Variants in PLEKHG2 observed in about 807,000 individuals in gnomAD.
PLEKHG2 encodes pleckstrin homology and RhoGEF domain containing G2.
In PLEKHG2, 71 loss-of-function variants were observed where a neutral mutation model predicts 104.4. The observed-to-expected ratio is 0.68, with a 90% CI of 0.56 to 0.83. The LOEUF is 0.83. PLEKHG2 is among the 40% of genes least tolerant of loss of function. The pLI, the probability that PLEKHG2 is intolerant of heterozygous loss-of-function variation, is 0.00. For missense variants in PLEKHG2, 1,730 were observed against 1,809.4 expected (o/e 0.96, Z 0.80); for synonymous variants, 728 against 737.0 (o/e 0.99, Z 0.20).
Position 39,424,740 on chromosome 19 carries a change from C to T in PLEKHG2, c.3607C>T (p.Leu1203Phe). The T allele has an allele frequency of 1.9e-6, 3 of 1,614,180 alleles. No individual in the cohort carries two copies. The highest frequency in any genetic ancestry group is 2.5e-6 in the Non-Finnish European group (3 of 1,180,050). ...CACACCTTCGTTGGAGCAGAAGAGC[C>T]TCATAGATGCCCATGTTCCAGCTGC... Reference protein sequence around the residue: ...KLTPSLEQKSLIDAHVPAATP... With the variant: ...KLTPSLEQKSFIDAHVPAATP... Residue 1203 changes from leucine (L) to phenylalanine (F), a missense_variant, in exon 19 of 19, where the codon CTC becomes TTC. Coordinates refer to ENST00000425673, the MANE Select transcript of PLEKHG2 (RefSeq NM_022835.3).
At position 39,415,508 on chromosome 19, in the gene PLEKHG2, G is replaced by A. The variant is rs2078589370; in HGVS notation, c.479+69G>A. On this transcript the variant is annotated intron_variant, in intron 4 of 18. Coordinates refer to ENST00000425673, the MANE Select transcript of PLEKHG2 (RefSeq NM_022835.3). The surrounding 1 kb of genome is among the most constrained non-coding windows in gnomAD (Gnocchi z 4.6). ...GGGTCTATTTCCTAATCCAAACCTC[G>A]GAGCTTCGTAGTGTCCTGTCCAGGC... 7 of 1,537,022 alleles carry A rather than the reference G, an allele frequency of 4.6e-6. No homozygotes were observed. Among genetic ancestry groups the A allele is most frequent in the East Asian group, 2.3e-5 (1 of 43,932 alleles).
chr19:39,416,629 G>T lies in PLEKHG2; in HGVS notation c.593+32G>T, dbSNP rs752416975. ...GGCAGGAGCCCCTGCTGGGCCTCAG[G>T]CTGTGCCCACAAGCTGATGTGCCAG... is the stretch of plus-strand genomic sequence containing the variant. On this transcript the variant is annotated intron_variant, in intron 6 of 18. Transcript: ENST00000425673. The surrounding 1 kb of genome is among the most constrained non-coding windows in gnomAD (Gnocchi z 4.5). 6.2e-7 allele frequency: 1 copy of T among 1,612,078 alleles called. No homozygotes were observed. The highest frequency in any genetic ancestry group is 1.7e-5 in the Admixed American group (1 of 59,980).
In PLEKHG2 at chr19:39,424,614, C is replaced by T; in HGVS notation, c.3481C>T (p.Pro1161Ser). 1 of 1,614,138 alleles carries T rather than the reference C, an allele frequency of 6.2e-7. No individual in the cohort carries two copies. The highest frequency in any genetic ancestry group is 8.5e-7 in the Non-Finnish European group (1 of 1,180,018). Residue 1161 changes from proline to serine, a missense_variant, in exon 19 of 19, where the codon CCA (proline) becomes TCA (serine). By Grantham distance (74) the Pro-to-Ser change is moderately conservative. Transcript: ENST00000425673. ...CACAGACATCTGGGTCCAAGCCCTC[C>T]CAACTTCACCCAAGCAGGGAAGCCT... The part of the protein sequence containing the change: ...VLTDIWVQAL[P>S]TSPKQGSLPD...
At position 39,420,833 on chromosome 19, in the gene PLEKHG2, C is replaced by A. The variant is rs201041534; in HGVS notation, c.1380C>A (p.Thr460=). 1 of 1,614,190 alleles carries A rather than the reference C, an allele frequency of 6.2e-7. No homozygotes were observed. Among genetic ancestry groups the A allele is most frequent in the Non-Finnish European group, 8.5e-7 (1 of 1,180,042 alleles). The stretch of plus-strand genomic sequence containing the variant: ...GACCTCGAGATGCTAGAAGTTTTAC[C>A]CCTGGGCGAAGGAACACAGGTAAAG... ...SPRPRDARSF[T]PGRRNTAPSP... The change falls in exon 13 of 19, where the codon ACC becomes ACA. Residue 460 remains threonine, a synonymous_variant. Coordinates refer to ENST00000425673, the MANE Select transcript of PLEKHG2 (RefSeq NM_022835.3).
intron 16 of PLEKHG2, 125 bp from the exon 17 acceptor site, chr19:39,421,990 C>G: frequency 9.6e-7 from 1 of 1,036,534 alleles, no homozygotes; most frequent in South Asian, 1.9e-5. Flanking sequence ...GCACTGCAGG[C>G]TGGGCGACAG....
chr19:39,424,028 G>A lies in PLEKHG2; in HGVS notation c.2895G>A (p.Gln965=), dbSNP rs1251042358. ...AGCAAGAAGGCCCCCTGCACCTCCA[G>A]GTGCCGGCTCTTACAACTTTCTCTG... The part of the protein sequence containing the change: ...LPKQEGPLHL[Q]VPALTTFSDQ... Residue 965 remains glutamine, a synonymous_variant, in exon 19 of 19, where the codon CAG becomes CAA. Transcript: ENST00000425673. 1 of 1,614,032 alleles carries A rather than the reference G, an allele frequency of 6.2e-7. No homozygotes were observed. Among genetic ancestry groups the A allele is most frequent in the Admixed American group, 1.7e-5 (1 of 60,010 alleles).
Position 39,421,070 on chromosome 19 carries a change from C to G in PLEKHG2, c.1448-5C>G. The G allele has an allele frequency of 6.2e-7, 1 of 1,613,996 alleles. No homozygotes were observed. The highest frequency in any genetic ancestry group is 1.1e-5 in the South Asian group (1 of 91,060). On this transcript the variant is annotated splice_polypyrimidine_tract_variant and splice_region_variant and intron_variant, in intron 14 of 18. Transcript: ENST00000425673. Reference sequence around the variant, plus strand: ...GCTCCTGACATCACTGTGTCCTCCCCGCAGAGCCGGTGAAGGACCCTTATG... The same window carrying G: ...GCTCCTGACATCACTGTGTCCTCCCGGCAGAGCCGGTGAAGGACCCTTATG...
At position 39,420,733 on chromosome 19, in the gene PLEKHG2, C is replaced by T. The variant is rs1457913770; in HGVS notation, c.1298-18C>T. On this transcript the variant is annotated intron_variant, in intron 12 of 18. Transcript: ENST00000425673. Reference sequence around the variant, plus strand: ...TCCAAGAAAAAGTTGGCTTTTAGCCCCAAAACTCTCCCCACAGGTGCCCCC... The same window carrying T: ...TCCAAGAAAAAGTTGGCTTTTAGCCTCAAAACTCTCCCCACAGGTGCCCCC... The T allele has an allele frequency of 1.2e-6, 2 of 1,614,104 alleles. No individual in the cohort carries two copies. The highest frequency in any genetic ancestry group is 1.3e-5 in the African/African-American group (1 of 75,022).
rs1006570496 is a variant in PLEKHG2 at position 39,418,584 on chromosome 19, A to G, written c.1084-150A>G. ...ACAGAGCAAGACTCTGTCTCAAAAA[A>G]AAAAAAGGGAGAGGAAACCCACCAT... On this transcript the variant is annotated intron_variant, in intron 9 of 18. Coordinates refer to ENST00000425673, the MANE Select transcript of PLEKHG2 (RefSeq NM_022835.3). 2.3e-5 allele frequency: 14 copies of G among 622,170 alleles called. No homozygotes were observed. The Admixed American group carries it at 3.5e-4, about 15-fold the overall frequency. The allele number at this position is 622,170 out of a possible 1,614,324, so 38.5% of individuals were successfully genotyped here.
At chr19:39,414,967 G>T in intron 2 of PLEKHG2, 25 bp from the exon 3 acceptor site, 1 of 1,560,586 alleles carries the variant, frequency 6.4e-7, no homozygotes, top group Admixed American at 1.8e-5. Context: ...AGATTTCTCT[G>T]ACCTCCTGTT....
rs569658209 is a variant in PLEKHG2 at position 39,414,378 on chromosome 19, G to A, written c.109+183G>A. On this transcript the variant is annotated intron_variant, in intron 2 of 18. Transcript: ENST00000425673. ...GGGCAGCGCTGGGCAGAGTGGTCAG[G>A]GCTGTGATCGTGGATCCTCTGAGCT... 5 of 611,632 alleles carry A rather than the reference G, an allele frequency of 8.2e-6. No homozygotes were observed. The East Asian group carries it at 1.5e-4, about 18-fold the overall frequency. The allele number at this position is 611,632 out of a possible 1,614,324, so 37.9% of individuals were successfully genotyped here.
intron 2 of PLEKHG2, among the ~76,000 whole-genome samples, chr19:39,414,677 G>A (rs2078572987): frequency 6.6e-6 from 1 of 152,296 alleles, no homozygotes; most frequent in South Asian, 2.1e-4. Context: ...GTGGATCTGA[G>A]GAGTTTGGAC....
rs370637681 is a variant in PLEKHG2, at chr19:39,416,456, T to C, written c.546+42T>C. On this transcript the variant is annotated intron_variant, in intron 5 of 18. Coordinates refer to ENST00000425673, the MANE Select transcript of PLEKHG2 (RefSeq NM_022835.3). This position sits in a 1 kb window ranked among gnomAD's most constrained non-coding sequence, Gnocchi z 4.5. The stretch of plus-strand genomic sequence containing the variant: ...GGGGCTCTCGGTCCTGGATGGGGCC[T>C]TTGTAGAGGGGGGAGAGCAGGCTTG... 6.3e-7 allele frequency: 1 copy of C among 1,596,316 alleles called. No homozygotes were observed. The highest frequency in any genetic ancestry group is 8.6e-7 in the Non-Finnish European group (1 of 1,165,940).
Position 39,414,214 on chromosome 19 carries a change from G to A in PLEKHG2, c.109+19G>A. On this transcript the variant is annotated intron_variant, in intron 2 of 18. Coordinates refer to ENST00000425673, the MANE Select transcript of PLEKHG2 (RefSeq NM_022835.3). ...CGGACAGGTGAGCCTAGAGGCAGGG[G>A]CGGCGGAGCCTGTGGGGCTTTTATT... 1 of 1,549,362 alleles carries A rather than the reference G, an allele frequency of 6.5e-7. No individual in the cohort carries two copies. The highest frequency in any genetic ancestry group is 8.7e-7 in the Non-Finnish European group (1 of 1,145,272).
rs1483745532 is a variant in PLEKHG2 at position 39,425,113 on chromosome 19, C to T, written c.3980C>T (p.Pro1327Leu). The T allele has an allele frequency of 2.5e-6, 4 of 1,587,582 alleles. No homozygotes were observed. Among genetic ancestry groups the T allele is most frequent in the South Asian group, 1.1e-5 (1 of 87,862 alleles). Residue 1327 changes from proline (P) to leucine (L), a missense_variant, in exon 19 of 19, where the codon CCT becomes CTT. Transcript: ENST00000425673. ...SSPPPQPQPP[P>L]PPARRLSYAT... ...CCGCCCCCCCAGCCCCAGCCACCAC[C>T]TCCCCCAGCCAGGCGGCTCAGCTAT...
chr19:39,418,625 G>T (rs1209964677), intron 9 of PLEKHG2, 109 bp from the exon 10 acceptor site: 1 of 786,042 alleles, frequency 1.3e-6, no homozygotes, highest in Non-Finnish European at 2.1e-6. Context: ...CTTATGGGAT[G>T]CATCTTCCTA....
chr19:39,418,892 T>G (rs1409788101), intron 10 of PLEKHG2, 25 bp from the exon 11 acceptor site: 3 of 1,601,346 alleles, frequency 1.9e-6, no homozygotes, highest in Admixed American at 1.7e-5. Context: ...CCTGGCCCCC[T>G]GACTCTACTC....
In PLEKHG2 at chr19:39,425,376, C is replaced by G. The variant is rs758301247; in HGVS notation, c.*82C>G. ...AGAACTTGACCTGGAAGTCCAGACACTGAACGCAGGCCTCAAAACTGCTGC... is the reference window on the plus strand; with the variant it reads ...AGAACTTGACCTGGAAGTCCAGACAGTGAACGCAGGCCTCAAAACTGCTGC... On this transcript the variant is annotated 3_prime_UTR_variant, in exon 19 of 19. Coordinates refer to ENST00000425673, the MANE Select transcript of PLEKHG2 (RefSeq NM_022835.3). 2 of 1,512,078 alleles carry G rather than the reference C, an allele frequency of 1.3e-6. No individual in the cohort carries two copies. Among genetic ancestry groups the G allele is most frequent in the Middle Eastern group, 1.8e-4 (1 of 5,610 alleles). The allele number at this position is 1,512,078 out of a possible 1,614,324, so 93.7% of individuals were successfully genotyped here.
chr19:39,415,268 G>T lies in PLEKHG2; in HGVS notation c.378+8G>T. On this transcript the variant is annotated splice_region_variant and intron_variant, in intron 3 of 18. Coordinates refer to ENST00000425673, the MANE Select transcript of PLEKHG2 (RefSeq NM_022835.3). The surrounding 1 kb of genome is among the most constrained non-coding windows in gnomAD (Gnocchi z 4.6). ...CTCCGCAGCATCGTGGAGGTAAGGC[G>T]GGCAGACACCAGAGGGCAGTGGGTA... is the stretch of plus-strand genomic sequence containing the variant. 6.3e-7 allele frequency: 1 copy of T among 1,598,034 alleles called. No homozygotes were observed. The highest frequency in any genetic ancestry group is 8.5e-7 in the Non-Finnish European group (1 of 1,171,882).
Sources: gnomAD v4.1 joint callset for allele counts (sites outside exome capture counted in the v4.1 genomes callset) on GRCh38, gnomAD v4.1.1 for gene constraint, Gnocchi (gnomAD v3.1) non-coding constraint, MANE v1.5 for transcripts, NCBI Gene and HGNC (gene_info 2026-07-23, HGNC 2026-07-21) for gene names.